The following RALGAPA2 variants were observed in gnomAD, a reference collection of about 807,000 sequenced individuals.
The protein encoded by RALGAPA2 is ral GTPase-activating protein subunit alpha-2.
In RALGAPA2, 139 loss-of-function variants were observed where a neutral mutation model predicts 230.4. The ratio of observed to expected loss-of-function variants is 0.60; its 90% confidence interval spans 0.53 to 0.69. The LOEUF (loss-of-function observed/expected upper bound fraction) is 0.69. Among genes scored for constraint, RALGAPA2 ranks in the 30% least tolerant of loss-of-function variants. The pLI, the probability that RALGAPA2 is intolerant of heterozygous loss-of-function variation, is 0.00. For missense variants in RALGAPA2, 2,163 were observed against 2,276.0 expected (o/e 0.95, Z 1.01); for synonymous variants, 847 against 837.8 (o/e 1.01, Z -0.19).
chr20:20,640,434 G>A (rs1275917592), intron 6 of RALGAPA2, among the ~76,000 whole-genome samples: 3 of 152,180 alleles, frequency 2.0e-5, no homozygotes, highest in Non-Finnish European at 4.4e-5. Context: ...CTTCCCATGT[G>A]TCTCTACTTC....
intron 24 of RALGAPA2, among the ~76,000 whole-genome samples, chr20:20,537,485 TG>T (rs2063527372): frequency 6.6e-6 from 1 of 151,754 alleles, no homozygotes. Context: ...CCAGGCATGG[TG>T]GTGGGCACCT....
At chr20:20,453,918 A>G (rs149047193) in intron 37 of RALGAPA2, among the ~76,000 whole-genome samples, 67 of 152,354 alleles carry the variant, frequency 4.4e-4, no homozygotes, top group East Asian at 1.4e-3. Flanking sequence ...TATCAGAATC[A>G]GTTGATTATT....
At chr20:20,584,641 G>A (rs1361743492) in intron 19 of RALGAPA2, among the ~76,000 whole-genome samples, 4 of 152,120 alleles carry the variant, frequency 2.6e-5, no homozygotes, top group East Asian at 1.9e-4. Flanking sequence ...TCAGCCAAGC[G>A]CATTGACATG....
chr20:20,606,056 C>T (rs1353350904), intron 14 of RALGAPA2, among the ~76,000 whole-genome samples: 1 of 152,150 alleles, frequency 6.6e-6, no homozygotes. Flanking sequence ...ACTTCCCCAG[C>T]TCTTTCTCTT....
intron 1 of RALGAPA2, among the ~76,000 whole-genome samples, chr20:20,690,608 G>A (rs575758074): frequency 1.2e-4 from 16 of 138,324 alleles, no homozygotes; most frequent in South Asian, 5.2e-4. Flanking sequence ...ACCAAATTCC[G>A]TCTTCTATGC....
intron 1 of RALGAPA2, among the ~76,000 whole-genome samples, chr20:20,687,113 T>A (rs1166183725): frequency 6.6e-6 from 1 of 152,198 alleles, no homozygotes; most frequent in Non-Finnish European, 1.5e-5. Flanking sequence ...ACTGAAGGCC[T>A]GATGATCAAG....
At chr20:20,493,830 T>G (rs1159063503) in intron 36 of RALGAPA2, among the ~76,000 whole-genome samples, 1 of 152,168 alleles carries the variant, frequency 6.6e-6, no homozygotes, top group Non-Finnish European at 1.5e-5. Flanking sequence ...TTCACGCACA[T>G]GGAGATCAGA....
At position 20,390,051 on chromosome 20, in the gene RALGAPA2, T is replaced by A. The variant is rs2059579690; in HGVS notation, c.*3238A>T. 6.6e-6 allele frequency: 1 copy of A among 152,178 alleles called. No homozygotes were observed. The highest frequency in any genetic ancestry group is 6.5e-5 in the Admixed American group (1 of 15,286). 9.4% of individuals were successfully genotyped at this position (152,178 alleles called of 1,614,324 possible). A position where few individuals can be genotyped will look rare whatever the true frequency, so the allele number is the denominator to read the frequency against. On this transcript the variant is annotated 3_prime_UTR_variant, in exon 40 of 40. Transcript: ENST00000202677. ...TTTCCCTCGGATGCAGACGCTGCCC[T>A]TCAGTAGATATAAAGGTAGCACAGT...
At chr20:20,531,034 A>T (rs1188870207) in intron 27 of RALGAPA2, among the ~76,000 whole-genome samples, 1 of 152,184 alleles carries the variant, frequency 6.6e-6, no homozygotes, top group Non-Finnish European at 1.5e-5. Context: ...CATGTCTTTA[A>T]CACCACACAG....
chr20:20,558,338 T>G (rs1051073862), intron 23 of RALGAPA2, among the ~76,000 whole-genome samples: 11 of 152,222 alleles, frequency 7.2e-5, no homozygotes, highest in Admixed American at 1.3e-4. Flanking sequence ...TTACTTAGTT[T>G]TGAAACATGA....
intron 36 of RALGAPA2, among the ~76,000 whole-genome samples, chr20:20,475,539 T>G (rs908473492): frequency 2.0e-5 from 3 of 152,042 alleles, no homozygotes; most frequent in Non-Finnish European, 4.4e-5. Context: ...CACTCATAAT[T>G]AGAAAAACAA....
chr20:20,707,391 A>C (rs2069648351), intron 1 of RALGAPA2, among the ~76,000 whole-genome samples: 1 of 152,128 alleles, frequency 6.6e-6, no homozygotes, highest in East Asian at 1.9e-4. Flanking sequence ...TATCAGGAAA[A>C]GGGAAGGAAG....
At chr20:20,572,060 A>C in intron 21 of RALGAPA2, 114 bp from the exon 22 acceptor site, 1 of 686,692 alleles carries the variant, frequency 1.5e-6, no homozygotes, top group Non-Finnish European at 2.5e-6. Context: ...ATAAGTGAAA[A>C]CCTGTAATAT....
intron 34 of RALGAPA2, among the ~76,000 whole-genome samples, chr20:20,504,254 T>C (rs1017930726): frequency 2.0e-5 from 3 of 152,098 alleles, no homozygotes; most frequent in African/African-American, 7.2e-5. Context: ...GCCTTACTAG[T>C]GAGAACAATG....
intron 14 of RALGAPA2, among the ~76,000 whole-genome samples, chr20:20,610,767 A>G (rs1017783288): frequency 2.0e-5 from 3 of 152,054 alleles, no homozygotes; most frequent in African/African-American, 7.2e-5. Flanking sequence ...CCCATAGAAC[A>G]TTCTCAACCA....
At chr20:20,583,270 A>G in intron 19 of RALGAPA2, 44 bp from the exon 20 acceptor site, 1 of 1,540,788 alleles carries the variant, frequency 6.5e-7, no homozygotes, top group Non-Finnish European at 8.8e-7. Flanking sequence ...AAAATAGCTG[A>G]AAATCAGAAT....
At chr20:20,530,601 A>G (rs1052021311) in intron 27 of RALGAPA2, among the ~76,000 whole-genome samples, 1 of 152,140 alleles carries the variant, frequency 6.6e-6, no homozygotes, top group Non-Finnish European at 1.5e-5. Context: ...TGGTACAGAG[A>G]CTGTTGCTGG....
Position 20,609,721 on chromosome 20 carries a change from G to A in RALGAPA2, c.1800+1594C>T, listed in dbSNP as rs190501621. The stretch of plus-strand genomic sequence containing the variant: ...CACTTGGCAGCCCAGGTCCAGGACG[G>A]GGAGCTCGAAAGGGTGCCAACAGTG... On this transcript the variant is annotated intron_variant, in intron 14 of 39. Coordinates refer to ENST00000202677, the MANE Select transcript of RALGAPA2 (RefSeq NM_020343.4). 1.5e-3 allele frequency among the ~76,000 whole-genome samples: 233 copies of A among 152,320 alleles called. 1 individual carries two copies. Among genetic ancestry groups the A allele is most frequent in the Non-Finnish European group, 1.4e-3 (97 of 68,030 alleles).
rs1206599883 is a variant in RALGAPA2 at position 20,636,554 on chromosome 20, G to GTA, written c.805+808_805+809insTA. On this transcript the variant is annotated intron_variant, in intron 8 of 39. Transcript: ENST00000202677. ...CTTCTCTCCCCGTGTGTGTGTGTGT[G>GTA]TGTATGTGTGTGTGTGTGTGTGTGT... is the stretch of plus-strand genomic sequence containing the variant. Among the ~76,000 whole-genome samples, 649 of 148,150 alleles carry GTA rather than the reference G, an allele frequency of 4.4e-3. 4 individuals are homozygous for GTA. Among genetic ancestry groups the GTA allele is most frequent in the African/African-American group, 0.014 (557 of 40,462 alleles).
Sources: gnomAD v4.1 joint callset for allele counts (sites outside exome capture counted in the v4.1 genomes callset) on GRCh38, gnomAD v4.1.1 for gene constraint, MANE v1.5 for transcripts, NCBI Gene and HGNC (gene_info 2026-07-23, HGNC 2026-07-21) for gene names.